CFAP54: variants seen among roughly 807,000 people sequenced by gnomAD.
The protein encoded by CFAP54 is cilia- and flagella-associated protein 54.
A neutral mutation model predicts 370.4 loss-of-function variants in CFAP54; 290 were observed. That is an observed-to-expected ratio of 0.78 (90% confidence interval 0.71 to 0.86). The LOEUF is 0.86. Ranked by LOEUF, CFAP54 falls within the 40% of genes least tolerant of loss-of-function variation. The pLI is 0.00. For synonymous variants in CFAP54, 1,206 were observed against 1,236.5 expected (o/e 0.98, Z 0.52); for missense variants, 3,399 against 3,528.7 (o/e 0.96, Z 0.93).
At chr12:96,658,685 G>A (rs563525005) in intron 38 of CFAP54, among the ~76,000 whole-genome samples, 1 of 152,142 alleles carries the variant, frequency 6.6e-6, no homozygotes, top group South Asian at 2.1e-4. Flanking sequence ...GAGTGCAGTG[G>A]TATAATCTCA....
Position 96,657,864 on chromosome 12 carries a change from T to C in CFAP54, c.5101-18T>C, listed in dbSNP as rs1052011542. On this transcript the variant is annotated intron_variant, in intron 36 of 67. Coordinates refer to ENST00000524981, the MANE Select transcript of CFAP54 (RefSeq NM_001306084.2). Reference sequence around the variant, plus strand: ...AATCTGAAATTACACATTTTTTTTTTCACTGTGCTACTTGCAGCCTATTGA... The same window carrying C: ...AATCTGAAATTACACATTTTTTTTTCCACTGTGCTACTTGCAGCCTATTGA... The C allele has an allele frequency of 1.5e-6, 2 of 1,347,946 alleles. No individual in the cohort carries two copies. Among genetic ancestry groups the C allele is most frequent in the South Asian group, 1.7e-5 (1 of 59,788 alleles). The allele number at this position is 1,347,946 out of a possible 1,614,324, so 83.5% of individuals were successfully genotyped here.
intron 45 of CFAP54, among the ~76,000 whole-genome samples, chr12:96,699,423 A>G (rs1380062641): frequency 6.6e-6 from 1 of 152,170 alleles, no homozygotes; most frequent in Non-Finnish European, 1.5e-5. Context: ...TAATCTGTAT[A>G]CCAAACCCCT....
At chr12:96,855,062 A>G (rs1448425711) in intron 66 of CFAP54, among the ~76,000 whole-genome samples, 8 of 152,198 alleles carry the variant, frequency 5.3e-5, no homozygotes, top group African/African-American at 1.9e-4. Flanking sequence ...CCTTCTTCAC[A>G]TGGGGGCAGC....
intron 23 of CFAP54, among the ~76,000 whole-genome samples, 176 bp downstream of exon 23, chr12:96,589,739 T>C: frequency 6.6e-6 from 1 of 151,716 alleles, no homozygotes; most frequent in East Asian, 1.9e-4. Context: ...TGTTAGAAAC[T>C]TTCTTTCTTT....
Position 96,580,583 on chromosome 12 carries a change from T to C in CFAP54, c.2797-14T>C. On this transcript the variant is annotated splice_polypyrimidine_tract_variant and intron_variant, in intron 20 of 67. Coordinates refer to ENST00000524981, the MANE Select transcript of CFAP54 (RefSeq NM_001306084.2). ...AGAATGCCTTTTAAACAGGCTCATT[T>C]TTCTCGTCGGCAGGTCTCCTGGTAC... 1 of 1,459,640 alleles carries C rather than the reference T, an allele frequency of 6.9e-7. No homozygotes were observed. The highest frequency in any genetic ancestry group is 9.0e-7 in the Non-Finnish European group (1 of 1,106,960). The allele number at this position is 1,459,640 out of a possible 1,614,324, so 90.4% of individuals were successfully genotyped here.
intron 15 of CFAP54, among the ~76,000 whole-genome samples, chr12:96,549,490 T>C (rs1955672906): frequency 6.6e-6 from 1 of 152,200 alleles, no homozygotes; most frequent in Non-Finnish European, 1.5e-5. Context: ...GACAACAGTG[T>C]GAATTTTACC....
chr12:96,615,945 G>C (rs1181161441), intron 26 of CFAP54, among the ~76,000 whole-genome samples: 2 of 152,362 alleles, frequency 1.3e-5, no homozygotes, highest in Non-Finnish European at 2.9e-5. Context: ...CATTGTGGAA[G>C]ACAGTGTGGC....
intron 66 of CFAP54, among the ~76,000 whole-genome samples, chr12:96,837,931 T>G (rs1402990246): frequency 6.6e-6 from 1 of 152,206 alleles, no homozygotes; most frequent in Non-Finnish European, 1.5e-5. Flanking sequence ...ACTCCATGGT[T>G]CTTCTAGCAT....
intron 67 of CFAP54, among the ~76,000 whole-genome samples, chr12:96,867,949 C>T (rs891823183): frequency 2.6e-5 from 4 of 152,012 alleles, no homozygotes; most frequent in Non-Finnish European, 2.9e-5. Context: ...TTAATTGTCT[C>T]GATTTACCTA....
At chr12:96,692,884 C>G (rs1304909716) in intron 44 of CFAP54, among the ~76,000 whole-genome samples, 1 of 152,180 alleles carries the variant, frequency 6.6e-6, no homozygotes, top group African/African-American at 2.4e-5. Context: ...CCTTCCACTC[C>G]ATCTTCCTTT....
chr12:96,768,269 C>T (rs1299553291), intron 60 of CFAP54, among the ~76,000 whole-genome samples: 1 of 152,036 alleles, frequency 6.6e-6, no homozygotes, highest in Non-Finnish European at 1.5e-5. Flanking sequence ...TGCAGTGAGC[C>T]GAGATCGCAC....
intron 19 of CFAP54, among the ~76,000 whole-genome samples, chr12:96,567,461 A>G (rs1181079095): frequency 6.6e-6 from 1 of 152,042 alleles, no homozygotes; most frequent in East Asian, 1.9e-4. Context: ...AGGAAGTTGG[A>G]TGGTGGTGTT....
At chr12:96,657,120 G>T (rs1956930430) in intron 36 of CFAP54, among the ~76,000 whole-genome samples, 2 of 152,142 alleles carry the variant, frequency 1.3e-5, no homozygotes, top group South Asian at 2.1e-4. Context: ...TGGTATTATT[G>T]GGATGGGAAG....
Position 96,533,813 on chromosome 12 carries a change from G to T in CFAP54, c.1379G>T (p.Gly460Val). The T allele has an allele frequency of 6.5e-7, 1 of 1,526,764 alleles. No homozygotes were observed. The allele number at this position is 1,526,764 out of a possible 1,614,324, so 94.6% of individuals were successfully genotyped here. ...LLIMSNIGAD[G>V]MLDFPKTSLL... ...CTAGTGTCAAATATTGGTGCAGATGGAATGCTTGATTTTCCAAAAACATCT... is the reference window on the plus strand; with the variant it reads ...CTAGTGTCAAATATTGGTGCAGATGTAATGCTTGATTTTCCAAAAACATCT... Residue 460 changes from glycine to valine, a missense_variant, in exon 10 of 68, where the codon GGA becomes GTA. By Grantham distance (109) the Gly-to-Val change is moderately radical (BLOSUM62 -3). Transcript: ENST00000524981.
chr12:96,724,643 G>T (rs1351227712), intron 50 of CFAP54, among the ~76,000 whole-genome samples: 1 of 152,048 alleles, frequency 6.6e-6, no homozygotes, highest in African/African-American at 2.4e-5. Flanking sequence ...CACTCTGATG[G>T]TAGTTTCTTT....
chr12:96,753,796 A>G lies in CFAP54; in HGVS notation c.7738A>G (p.Lys2580Glu). Residue 2580 changes from lysine to glutamate, a missense_variant, in exon 56 of 68, where the codon AAG becomes GAG. Around this residue, in one of 3 missense-constraint regions of CFAP54, gnomAD observed 2,796 missense variants for 2,869.7 expected, o/e 0.97. Transcript: ENST00000524981. ...CAAGAATAAAAGGAAGGACCCCTCG[A>G]AGTGGTTACCTGCTCTTCATCTGTT... ...YYKNKRKDPSKWLPALHLFDV... is the reference protein window; with the variant it reads ...YYKNKRKDPSEWLPALHLFDV... 2.5e-6 allele frequency: 4 copies of G among 1,614,012 alleles called. No homozygotes were observed. The highest frequency in any genetic ancestry group is 2.5e-6 in the Non-Finnish European group (3 of 1,179,942).
intron 26 of CFAP54, among the ~76,000 whole-genome samples, chr12:96,599,569 T>C (rs534557948): frequency 6.2e-4 from 95 of 152,282 alleles, no homozygotes; most frequent in African/African-American, 2.2e-3. Flanking sequence ...TTCTAGATCC[T>C]TGAGGAATTG....
intron 11 of CFAP54, 145 bp from the exon 12 acceptor site, chr12:96,535,370 A>C: frequency 3.3e-6 from 2 of 611,134 alleles, no homozygotes; most frequent in Non-Finnish European, 5.8e-6. Context: ...TTCATATAGA[A>C]GTATTTAACT....
At chr12:96,745,528 T>C (rs538151357) in intron 55 of CFAP54, among the ~76,000 whole-genome samples, 1 of 152,138 alleles carries the variant, frequency 6.6e-6, no homozygotes, top group African/African-American at 2.4e-5. Context: ...TTAATGTTTT[T>C]TTTTCTTGTA....
Sources: gnomAD v4.1 joint callset for allele counts (sites outside exome capture counted in the v4.1 genomes callset) on GRCh38, gnomAD v4.1.1 for gene constraint, gnomAD v4.1.1 regional missense constraint, MANE v1.5 for transcripts, NCBI Gene and HGNC (gene_info 2026-07-23, HGNC 2026-07-21) for gene names.